The following MALRD1 variants were observed in gnomAD, a reference collection of about 807,000 sequenced individuals.
The protein encoded by MALRD1 is MAM and LDL receptor class A domain containing 1, also known as MAM and LDL-receptor class A domain-containing protein 1.
In MALRD1, 247 loss-of-function variants were observed where a neutral mutation model predicts 242.1. That is an observed-to-expected ratio of 1.02 (90% CI 0.92 to 1.13). The LOEUF (loss-of-function observed/expected upper bound fraction) is 1.13, where lower values mean the gene tolerates loss of function less well. MALRD1 is among the 50% of genes most tolerant of loss of function. The pLI is 0.00. For missense variants in MALRD1, 2,989 were observed against 2,533.1 expected, an observed-to-expected ratio of 1.18 and a Z score of -3.86; for synonymous variants, 995 against 866.6, an observed-to-expected ratio of 1.15 and a Z score of -2.60.
At chr10:19,530,677 C>T (rs900009683) in intron 31 of MALRD1, among the ~76,000 whole-genome samples, 3 of 151,282 alleles carry the variant, frequency 2.0e-5, no homozygotes, top group East Asian at 1.9e-4. Context: ...CTTTCACATA[C>T]TAATGCATTT....
chr10:19,518,625 A>C (rs771738957), intron 31 of MALRD1, among the ~76,000 whole-genome samples: 1 of 152,040 alleles, frequency 6.6e-6, no homozygotes, highest in Admixed American at 6.6e-5. Context: ...TTTTGTATTA[A>C]TTGTTACAGG....
chr10:19,065,843 T>C (rs1242499755), intron 1 of MALRD1, among the ~76,000 whole-genome samples: 1 of 152,200 alleles, frequency 6.6e-6, no homozygotes, highest in Non-Finnish European at 1.5e-5. Context: ...GCGCTGTATT[T>C]AATTTCAGGA....
intron 24 of MALRD1, among the ~76,000 whole-genome samples, chr10:19,337,933 A>G (rs893959379): frequency 1.3e-5 from 2 of 151,848 alleles, no homozygotes; most frequent in African/African-American, 4.8e-5. Flanking sequence ...GTGGTGACAC[A>G]CACTTGTAGT....
At chr10:19,638,920 A>T (rs1840266277) in intron 36 of MALRD1, among the ~76,000 whole-genome samples, 1 of 151,052 alleles carries the variant, frequency 6.6e-6, no homozygotes, top group African/African-American at 2.4e-5. Flanking sequence ...TTTATGTTTT[A>T]TTTTTGCAAT....
intron 17 of MALRD1, among the ~76,000 whole-genome samples, chr10:19,207,198 A>C (rs1165271927): frequency 6.6e-6 from 1 of 152,206 alleles, no homozygotes; most frequent in Admixed American, 6.5e-5. Context: ...AAAAACTAAC[A>C]TGTAAATGAA....
Position 19,734,271 on chromosome 10 carries a change from A to G in MALRD1, c.*34A>G, listed in dbSNP as rs1241563430. On this transcript the variant is annotated 3_prime_UTR_variant, in exon 40 of 40. Coordinates refer to ENST00000454679, the MANE Select transcript of MALRD1 (RefSeq NM_001142308.3). ...AGACCAAGTCTGATCCAACATGTGT[A>G]GTTTCTAGAAAATTGAAGTCTCCAC... The G allele has an allele frequency of 6.7e-7, 1 of 1,498,344 alleles. No individual in the cohort carries two copies. The highest frequency in any genetic ancestry group is 1.2e-5 in the South Asian group (1 of 82,508). The allele number at this position is 1,498,344 out of a possible 1,614,324, so 92.8% of individuals were successfully genotyped here. A position where few individuals can be genotyped will look rare whatever the true frequency, so the allele number is the denominator to read the frequency against.
At chr10:19,084,802 A>G (rs943991833) in intron 2 of MALRD1, among the ~76,000 whole-genome samples, 1 of 152,034 alleles carries the variant, frequency 6.6e-6, no homozygotes, top group Non-Finnish European at 1.5e-5. Flanking sequence ...GAGAAAAAGT[A>G]TTTTTAAAAG....
At chr10:19,568,932 G>A (rs977771336) in intron 33 of MALRD1, among the ~76,000 whole-genome samples, 2 of 152,020 alleles carry the variant, frequency 1.3e-5, no homozygotes, top group African/African-American at 4.8e-5. Flanking sequence ...GCACACCTCT[G>A]TAGATTCTAG....
chr10:19,533,644 A>C (rs1834527307), intron 32 of MALRD1, among the ~76,000 whole-genome samples: 2 of 152,210 alleles, frequency 1.3e-5, no homozygotes, highest in Admixed American at 1.3e-4. Context: ...GGGTGAAAGC[A>C]GAGGCAAAAG....
intron 14 of MALRD1, among the ~76,000 whole-genome samples, chr10:19,197,645 C>A (rs989146444): frequency 2.6e-5 from 4 of 152,146 alleles, no homozygotes; most frequent in Non-Finnish European, 5.9e-5. Context: ...CACCTACCTC[C>A]TTCAGCCATT....
rs149547295 is a variant in MALRD1 at position 19,129,401 on chromosome 10, T to C, written c.1110+1014T>C. Among the ~76,000 whole-genome samples the C allele has an allele frequency of 2.0e-3, 310 of 152,242 alleles. 1 individual carries two copies. The highest frequency in any genetic ancestry group is 7.0e-3 in the African/African-American group (289 of 41,558). ...GCAAAGTATGTGGGAAGAGGGGTGG[T>C]GCTTCTCTTCCATGCATTCCCAGGT... On this transcript the variant is annotated intron_variant, in intron 8 of 39. Coordinates refer to ENST00000454679, the MANE Select transcript of MALRD1 (RefSeq NM_001142308.3).
intron 35 of MALRD1, among the ~76,000 whole-genome samples, chr10:19,612,035 A>G (rs1017927995): frequency 6.6e-6 from 1 of 152,034 alleles, no homozygotes; most frequent in Non-Finnish European, 1.5e-5. Flanking sequence ...GACCCACCCA[A>G]AAATGGTCAG....
intron 35 of MALRD1, among the ~76,000 whole-genome samples, chr10:19,613,949 G>A (rs556130576): frequency 2.6e-5 from 4 of 152,044 alleles, no homozygotes; most frequent in South Asian, 2.1e-4. Context: ...AAACGTGACC[G>A]AAGTGCTCTT....
rs548039751 is a variant in MALRD1, at chr10:19,075,164, G to A, written c.340+8305G>A. 1.1e-4 allele frequency among the ~76,000 whole-genome samples: 17 copies of A among 152,114 alleles called. 1 individual carries two copies. The South Asian group carries it at 2.9e-3, about 26-fold the overall frequency. On this transcript the variant is annotated intron_variant, in intron 2 of 39. Transcript: ENST00000454679. ...GGCTTTACAGATTTTGATCAATACCGTGGAATATTGCAAATGGAAAAAGAG... is the reference window on the plus strand; with the variant it reads ...GGCTTTACAGATTTTGATCAATACCATGGAATATTGCAAATGGAAAAAGAG...
At chr10:19,384,604 A>G (rs1845994667) in intron 26 of MALRD1, among the ~76,000 whole-genome samples, 1 of 128,452 alleles carries the variant, frequency 7.8e-6, no homozygotes, top group African/African-American at 3.0e-5. Flanking sequence ...TATAATATAT[A>G]GTATATATAA....
intron 36 of MALRD1, among the ~76,000 whole-genome samples, chr10:19,622,667 A>G (rs187244266): frequency 1.3e-5 from 2 of 150,830 alleles, no homozygotes; most frequent in East Asian, 3.9e-4. Flanking sequence ...AAAACAAACT[A>G]TGAGAATCTG....
chr10:19,470,357 T>C (rs546589345), intron 29 of MALRD1, among the ~76,000 whole-genome samples: 21 of 151,994 alleles, frequency 1.4e-4, no homozygotes, highest in Non-Finnish European at 2.7e-4. Context: ...CCATGGACAT[T>C]TAGGTTGTTT....
At chr10:19,394,074 T>C (rs947451967) in intron 28 of MALRD1, among the ~76,000 whole-genome samples, 5 of 152,170 alleles carry the variant, frequency 3.3e-5, no homozygotes, top group Admixed American at 6.5e-5. Context: ...GGACTATCCA[T>C]TATGCAGTCA....
At chr10:19,511,180 T>C (rs1833386112) in intron 31 of MALRD1, among the ~76,000 whole-genome samples, 1 of 152,216 alleles carries the variant, frequency 6.6e-6, no homozygotes, top group South Asian at 2.1e-4. Context: ...AAATCTTATT[T>C]ATTTTACATT....
Sources: gnomAD v4.1 joint callset for allele counts (sites outside exome capture counted in the v4.1 genomes callset) on GRCh38, gnomAD v4.1.1 for gene constraint, MANE v1.5 for transcripts, NCBI Gene and HGNC (gene_info 2026-07-23, HGNC 2026-07-21) for gene names.